WDR43: variants seen among roughly 807,000 people sequenced by gnomAD.
The protein encoded by WDR43 is WD repeat domain 43.
A neutral mutation model predicts 91.4 loss-of-function variants in WDR43; 13 were observed. The ratio of observed to expected loss-of-function variants is 0.14; its 90% CI spans 0.09 to 0.23. The LOEUF (loss-of-function observed/expected upper bound fraction) is 0.23, where lower values mean the gene tolerates loss of function less well. Among genes scored for constraint, WDR43 ranks in the 10% least tolerant of loss-of-function variants. WDR43 has a pLI of 1.00. For missense variants in WDR43, 780 were observed against 809.4 expected (o/e 0.96, Z 0.44); for synonymous variants, 331 against 287.9 (o/e 1.15, Z -1.51).
At chr2:28,897,694 GTGA>G (rs1256981940) in intron 1 of WDR43, among the ~76,000 whole-genome samples, 4 of 152,206 alleles carry the variant, frequency 2.6e-5, no homozygotes, top group African/African-American at 4.8e-5. Context: ...ACAAAGTGTG[GTGA>G]TGATAACTCA....
intron 3 of WDR43, among the ~76,000 whole-genome samples, chr2:28,911,606 C>G (rs1346812778): frequency 6.7e-6 from 1 of 148,698 alleles, no homozygotes; most frequent in Non-Finnish European, 1.5e-5. Context: ...TTAATAACCT[C>G]TTTTGTTATT....
At chr2:28,917,758 CTT>C (rs1670942325) in intron 5 of WDR43, 133 bp from the exon 6 acceptor site, 1 of 734,608 alleles carries the variant, frequency 1.4e-6, no homozygotes, top group Admixed American at 3.2e-5. Context: ...TCTTTAGTCA[CTT>C]TACTAGTTTT....
intron 7 of WDR43, 149 bp downstream of exon 7, chr2:28,923,132 T>C (rs1671068201): frequency 1.5e-6 from 1 of 658,608 alleles, no homozygotes; most frequent in Admixed American, 3.4e-5. Context: ...ACTATATACA[T>C]TGCCAGTTAA....
intron 10 of WDR43, 48 bp from the exon 11 acceptor site, chr2:28,929,531 C>CT: frequency 2.0e-6 from 3 of 1,467,056 alleles, no homozygotes; most frequent in Non-Finnish European, 2.7e-6. Flanking sequence ...CTCCAAACTA[C>CT]TTTAAGTCTT....
At chr2:28,897,033 A>G (rs1670493656) in intron 1 of WDR43, among the ~76,000 whole-genome samples, 1 of 152,260 alleles carries the variant, frequency 6.6e-6, no homozygotes, top group East Asian at 1.9e-4. Context: ...ATAACCAATA[A>G]AGGAGTGTGG....
intron 7 of WDR43, among the ~76,000 whole-genome samples, chr2:28,924,324 T>C (rs945586445): frequency 6.6e-6 from 1 of 152,148 alleles, no homozygotes; most frequent in African/African-American, 2.4e-5. Flanking sequence ...GCAGAGATCA[T>C]TGGATGACGG....
At chr2:28,925,669 T>A (rs551181140) in intron 8 of WDR43, among the ~76,000 whole-genome samples, 3 of 152,250 alleles carry the variant, frequency 2.0e-5, no homozygotes, top group Non-Finnish European at 2.9e-5. Context: ...TTCTGAGTTA[T>A]CGTAAGCATG....
chr2:28,911,275 C>T (rs1316353033), intron 3 of WDR43, among the ~76,000 whole-genome samples: 4 of 151,080 alleles, frequency 2.6e-5, no homozygotes, highest in Admixed American at 2.0e-4. Flanking sequence ...CAGAACCATA[C>T]GTTTTCTTCC....
At chr2:28,914,420 G>A (rs754408780) in intron 5 of WDR43, among the ~76,000 whole-genome samples, 3 of 152,198 alleles carry the variant, frequency 2.0e-5, no homozygotes, top group Non-Finnish European at 2.9e-5. Flanking sequence ...TGGTTGTTTA[G>A]TGATACAGTG....
intron 14 of WDR43, among the ~76,000 whole-genome samples, chr2:28,939,949 T>G (rs991155326): frequency 5.9e-5 from 9 of 151,522 alleles, no homozygotes; most frequent in Non-Finnish European, 1.3e-4. Context: ...CTACTAAAAA[T>G]ACAAAAAATT....
chr2:28,947,009 T>C lies in WDR43; in HGVS notation c.*230T>C. 1 of 408,802 alleles carries C rather than the reference T, an allele frequency of 2.4e-6. No homozygotes were observed. Among genetic ancestry groups the C allele is most frequent in the Non-Finnish European group, 4.3e-6 (1 of 230,848 alleles). 25.3% of individuals were successfully genotyped at this position (408,802 alleles called of 1,614,324 possible). On this transcript the variant is annotated 3_prime_UTR_variant, in exon 18 of 18. Coordinates refer to ENST00000407426, the MANE Select transcript of WDR43 (RefSeq NM_015131.3). ...CAGTATATAGACACATTTTCTGCAA[T>C]GTACTGACATCAGTGTCCAATATAT... is the stretch of plus-strand genomic sequence containing the variant.
chr2:28,930,962 TA>T (rs893527896), intron 11 of WDR43, among the ~76,000 whole-genome samples: 113 of 152,112 alleles, frequency 7.4e-4, no homozygotes, highest in African/African-American at 2.6e-3. Context: ...AAACATCCTT[TA>T]AAAAAATAAC....
intron 4 of WDR43, 86 bp downstream of exon 4, chr2:28,912,796 T>G: frequency 1.3e-6 from 2 of 1,508,888 alleles, no homozygotes; most frequent in South Asian, 1.3e-5. Context: ...GATATTATTT[T>G]AAGAATACAA....
intron 16 of WDR43, among the ~76,000 whole-genome samples, chr2:28,942,603 AT>A (rs10716859): frequency 0.69 from 100,658 of 146,318 alleles, 35,075 homozygotes; most frequent in East Asian, 0.85. Flanking sequence ...GTTATGGAAG[AT>A]TTTTTTTTTC....
Position 28,925,164 on chromosome 2 carries a change from G to A in WDR43, c.1086+11G>A. The A allele has an allele frequency of 6.2e-7, 1 of 1,603,162 alleles. No homozygotes were observed. Among genetic ancestry groups the A allele is most frequent in the Non-Finnish European group, 8.5e-7 (1 of 1,174,082 alleles). ...ACTATTGAGCGAGTGGTACGTAGCT[G>A]CTACTCTGGAGTAAAGCAATATAGC... On this transcript the variant is annotated intron_variant, in intron 8 of 17. Transcript: ENST00000407426.
At chr2:28,898,815 C>T (rs961325923) in intron 1 of WDR43, among the ~76,000 whole-genome samples, 1 of 151,854 alleles carries the variant, frequency 6.6e-6, no homozygotes, top group Non-Finnish European at 1.5e-5. Flanking sequence ...ATGTAAAACT[C>T]CTCTTTTTCT....
chr2:28,894,974 G>C (rs1670447542), intron 1 of WDR43, 51 bp downstream of exon 1: 1 of 1,443,826 alleles, frequency 6.9e-7, no homozygotes, highest in Non-Finnish European at 9.1e-7. Flanking sequence ...GCTCGGCTTC[G>C]GGCCTCCGGG....
At chr2:28,942,529 C>A in intron 16 of WDR43, 148 bp downstream of exon 16, 1 of 770,568 alleles carries the variant, frequency 1.3e-6, no homozygotes, top group Non-Finnish European at 2.1e-6. Context: ...TGGCAAAAAT[C>A]TGTAATTCAT....
chr2:28,902,203 C>T, intron 2 of WDR43, 79 bp downstream of exon 2: 1 of 1,440,386 alleles, frequency 6.9e-7, no homozygotes, highest in Non-Finnish European at 9.3e-7. Flanking sequence ...AAAAACACTT[C>T]AAGGTATGTG....
Sources: allele counts gnomAD v4.1 joint callset (sites outside exome capture counted in the v4.1 genomes callset), GRCh38; gene constraint gnomAD v4.1.1; transcripts MANE v1.5; gene names NCBI Gene and HGNC (gene_info 2026-07-23, HGNC 2026-07-21).